Variants in EFNA5 observed in about 807,000 individuals in gnomAD.
EFNA5 encodes ephrin-A5.
In EFNA5, 5 loss-of-function variants were observed where a neutral mutation model predicts 22.9. That is an observed-to-expected ratio of 0.22 (90% CI 0.11 to 0.46). EFNA5 has a LOEUF of 0.46. Among genes scored for constraint, EFNA5 ranks in the 20% least tolerant of loss-of-function variants. The pLI is 0.99. For synonymous variants in EFNA5, 113 were observed against 112.2 expected, an observed-to-expected ratio of 1.01 and a Z score of -0.04; for missense variants, 237 against 293.3, an observed-to-expected ratio of 0.81 and a Z score of 1.40.
rs141579863 is a variant in EFNA5 at position 107,643,216 on chromosome 5, C to A, written c.125+27273G>T. 4.9e-3 allele frequency among the ~76,000 whole-genome samples: 752 copies of A among 152,218 alleles called. 8 individuals are homozygous for A. The highest frequency in any genetic ancestry group is 0.017 in the African/African-American group (724 of 41,538). Reference sequence around the variant, plus strand: ...AAATCAGAATCTTGCCATGCTAGTGCCCCCATTGTGCAGGGGTGGGGGTCC... The same window carrying A: ...AAATCAGAATCTTGCCATGCTAGTGACCCCATTGTGCAGGGGTGGGGGTCC... On this transcript the variant is annotated intron_variant, in intron 1 of 4. Coordinates refer to ENST00000333274, the MANE Select transcript of EFNA5 (RefSeq NM_001962.3).
intron 2 of EFNA5, among the ~76,000 whole-genome samples, chr5:107,397,822 C>T (rs759358457): frequency 2.4e-4 from 36 of 152,150 alleles, no homozygotes; most frequent in Non-Finnish European, 4.7e-4. Flanking sequence ...TTGTTTCACA[C>T]TCAAAATGCT....
chr5:107,541,119 A>G (rs1474458768), intron 1 of EFNA5, among the ~76,000 whole-genome samples: 1 of 152,102 alleles, frequency 6.6e-6, no homozygotes, highest in East Asian at 1.9e-4. Flanking sequence ...AAAAAGAAGG[A>G]AGAAAGAAAG....
At chr5:107,415,726 C>A (rs896877300) in intron 2 of EFNA5, among the ~76,000 whole-genome samples, 1 of 152,248 alleles carries the variant, frequency 6.6e-6, no homozygotes, top group Non-Finnish European at 1.5e-5. Flanking sequence ...GAGCCCTACT[C>A]ATCTTTCTTG....
intron 1 of EFNA5, among the ~76,000 whole-genome samples, chr5:107,497,203 A>T (rs1747010436): frequency 6.6e-6 from 1 of 152,348 alleles, no homozygotes; most frequent in East Asian, 1.9e-4. Context: ...GTTGATGTAC[A>T]TGAGGACAAA....
At position 107,670,798 on chromosome 5, in the gene EFNA5, G is replaced by T; in HGVS notation, c.-185C>A. Reference sequence around the variant, plus strand: ...AAGCTGGGGAGGGGTAGGAGAGCGAGAAGAAAAGAAGGCGGTGGGATGGGG... The same window carrying T: ...AAGCTGGGGAGGGGTAGGAGAGCGATAAGAAAAGAAGGCGGTGGGATGGGG... On this transcript the variant is annotated 5_prime_UTR_variant, in exon 1 of 5. Transcript: ENST00000333274. The T allele has an allele frequency of 2.7e-6, 2 of 730,194 alleles. No homozygotes were observed. Among genetic ancestry groups the T allele is most frequent in the Non-Finnish European group, 4.4e-6 (2 of 459,360 alleles). The allele number at this position is 730,194 out of a possible 1,614,324, so 45.2% of individuals were successfully genotyped here.
chr5:107,496,345 AAAAAAAAAC>A (rs1746983268), intron 1 of EFNA5, among the ~76,000 whole-genome samples: 1 of 149,832 alleles, frequency 6.7e-6, no homozygotes, highest in East Asian at 2.0e-4. Context: ...TCAAAAAAAA[AAAAAAAAAC>A]AAAAAAACAA....
chr5:107,427,170 G>T, intron 2 of EFNA5, 47 bp downstream of exon 2: 2 of 1,606,870 alleles, frequency 1.2e-6, no homozygotes, highest in Non-Finnish European at 8.5e-7. Context: ...AAATTAGTCT[G>T]GGTTCTTGCA....
At chr5:107,596,704 C>G (rs944211166) in intron 1 of EFNA5, among the ~76,000 whole-genome samples, 25 of 152,104 alleles carry the variant, frequency 1.6e-4, no homozygotes, top group African/African-American at 6.0e-4. Context: ...AAATGTCTCT[C>G]TCTCCCAGCA....
At chr5:107,656,484 A>G (rs974814043) in intron 1 of EFNA5, among the ~76,000 whole-genome samples, 1 of 152,118 alleles carries the variant, frequency 6.6e-6, no homozygotes, top group Non-Finnish European at 1.5e-5. Flanking sequence ...TAAAAATTCA[A>G]CTCTTCTGTG....
chr5:107,380,890 T>C lies in EFNA5; in HGVS notation c.*365A>G, dbSNP rs1747436823. The C allele has an allele frequency of 2.4e-6, 1 of 415,106 alleles. No individual in the cohort carries two copies. The highest frequency in any genetic ancestry group is 4.3e-6 in the Non-Finnish European group (1 of 234,900). 25.7% of individuals were successfully genotyped at this position (415,106 alleles called of 1,614,324 possible). ...ATCTGCCACTATTCTTCCTTGTCCA[T>C]AGCCCGCTGACACAGTGCGCTAACG... On this transcript the variant is annotated 3_prime_UTR_variant, in exon 5 of 5. Coordinates refer to ENST00000333274, the MANE Select transcript of EFNA5 (RefSeq NM_001962.3).
chr5:107,591,960 TA>T (rs1749359174), intron 1 of EFNA5, among the ~76,000 whole-genome samples: 1 of 11,902 alleles, frequency 8.4e-5, no homozygotes, highest in African/African-American at 5.0e-4. Flanking sequence ...TAATATATAA[TA>T]TATATAATAT....
chr5:107,636,755 C>T (rs564686056), intron 1 of EFNA5, among the ~76,000 whole-genome samples: 1 of 152,252 alleles, frequency 6.6e-6, no homozygotes, highest in South Asian at 2.1e-4. Flanking sequence ...CCCATGAAAA[C>T]TGTTTAAAGG....
chr5:107,412,904 T>A (rs1045496103), intron 2 of EFNA5, among the ~76,000 whole-genome samples: 1 of 152,212 alleles, frequency 6.6e-6, no homozygotes, highest in African/African-American at 2.4e-5. Context: ...ACCACCAGTG[T>A]ATTTCAAACT....
At chr5:107,551,906 T>TAA (rs36004705) in intron 1 of EFNA5, among the ~76,000 whole-genome samples, 1,949 of 150,108 alleles carry the variant, frequency 0.013, 33 homozygotes, top group African/African-American at 0.045. Context: ...TGTAAGCTTT[T>TAA]AAAAAAAAAA....
chr5:107,382,134 A>C (rs537974943), intron 4 of EFNA5, among the ~76,000 whole-genome samples: 8 of 152,318 alleles, frequency 5.3e-5, no homozygotes, highest in African/African-American at 1.9e-4. Flanking sequence ...AAATAGATTA[A>C]GTGAGTTAAG....
intron 2 of EFNA5, among the ~76,000 whole-genome samples, chr5:107,422,249 G>A (rs1339877717): frequency 2.6e-5 from 4 of 152,126 alleles, no homozygotes; most frequent in African/African-American, 4.8e-5. Flanking sequence ...TTCAGATGGC[G>A]CCTGGAACAC....
chr5:107,668,055 TTA>T (rs1239940780), intron 1 of EFNA5, among the ~76,000 whole-genome samples: 2 of 152,220 alleles, frequency 1.3e-5, no homozygotes, highest in East Asian at 3.8e-4. Context: ...AATATTGTTT[TTA>T]AAGTAAGTTT....
intron 1 of EFNA5, among the ~76,000 whole-genome samples, chr5:107,495,301 CCTTAAGAGCTGT>C (rs1352317102): frequency 6.6e-6 from 1 of 152,140 alleles, no homozygotes; most frequent in East Asian, 1.9e-4. Context: ...AGACGAGCCG[CCTTAAGAGCTGT>C]AACACTCACC....
chr5:107,426,929 C>A, intron 2 of EFNA5: 1 of 308,642 alleles, frequency 3.2e-6, no homozygotes. Flanking sequence ...TTTTCTTTTC[C>A]TGAGCTTTGG....
Sources: gnomAD v4.1 joint callset for allele counts (sites outside exome capture counted in the v4.1 genomes callset) on GRCh38, gnomAD v4.1.1 for gene constraint, MANE v1.5 for transcripts, NCBI Gene and HGNC (gene_info 2026-07-23, HGNC 2026-07-21) for gene names.